The following EYA2 variants were observed in gnomAD, a reference collection of about 807,000 sequenced individuals.
EYA2 encodes the protein protein phosphatase EYA2.
Under a neutral mutation model 69.2 loss-of-function variants are expected in EYA2, and 31 were observed. The observed-to-expected ratio is 0.45, with a 90% CI of 0.34 to 0.60. The LOEUF is 0.60. Ranked by LOEUF, EYA2 falls within the 20% of genes least tolerant of loss-of-function variation. The pLI is 0.02. For missense variants in EYA2, 622 were observed against 701.2 expected, an observed-to-expected ratio of 0.89 and a Z score of 1.28; for synonymous variants, 257 against 279.4, an observed-to-expected ratio of 0.92 and a Z score of 0.80.
At chr20:47,053,494 C>T (rs952840980) in intron 5 of EYA2, among the ~76,000 whole-genome samples, 3 of 151,766 alleles carry the variant, frequency 2.0e-5, no homozygotes, top group Admixed American at 1.3e-4. Flanking sequence ...GACAAAACTC[C>T]GTCTCTACTA....
intron 15 of EYA2, among the ~76,000 whole-genome samples, chr20:47,184,082 G>A (rs2034589427): frequency 1.3e-5 from 2 of 152,222 alleles, no homozygotes; most frequent in African/African-American, 4.8e-5. Context: ...AGGGTCCTGG[G>A]AGAGGGCCCC....
intron 5 of EYA2, among the ~76,000 whole-genome samples, chr20:47,020,456 T>G (rs1983684250): frequency 6.6e-6 from 1 of 152,220 alleles, no homozygotes; most frequent in Admixed American, 6.5e-5. Flanking sequence ...TTTGCAGAGT[T>G]GTTTATTTTC....
At chr20:47,078,234 T>G (rs1352601510) in intron 7 of EYA2, among the ~76,000 whole-genome samples, 2 of 152,186 alleles carry the variant, frequency 1.3e-5, no homozygotes, top group Non-Finnish European at 2.9e-5. Flanking sequence ...TAAATAATGG[T>G]CAGCTGTAGC....
intron 1 of EYA2, among the ~76,000 whole-genome samples, chr20:46,988,573 C>T (rs1002669861): frequency 1.3e-5 from 2 of 152,194 alleles, no homozygotes; most frequent in Non-Finnish European, 2.9e-5. Context: ...ATAAATTTAG[C>T]CTTTCTCTGA....
chr20:46,923,142 C>T (rs1161664626), intron 1 of EYA2, among the ~76,000 whole-genome samples: 5 of 152,178 alleles, frequency 3.3e-5, no homozygotes, highest in Admixed American at 1.3e-4. Context: ...CTGAGGCGGG[C>T]GGATCACTTG....
At chr20:46,944,846 A>G (rs1368552870) in intron 1 of EYA2, among the ~76,000 whole-genome samples, 1 of 152,156 alleles carries the variant, frequency 6.6e-6, no homozygotes, top group Non-Finnish European at 1.5e-5. Context: ...GCTCATTCCT[A>G]CAATCCCAGC....
At chr20:47,074,496 C>T (rs73309620) in intron 7 of EYA2, among the ~76,000 whole-genome samples, 161 bp downstream of exon 7, 8 of 152,314 alleles carry the variant, frequency 5.3e-5, no homozygotes, top group African/African-American at 1.9e-4. Context: ...GGATATGGGT[C>T]CCAGTTGTCA....
intron 9 of EYA2, among the ~76,000 whole-genome samples, chr20:47,123,159 C>G (rs144368693): frequency 1.6e-4 from 24 of 152,018 alleles, no homozygotes; most frequent in African/African-American, 5.8e-4. Flanking sequence ...AAGCAAATGA[C>G]ACTTTTTTTT....
chr20:47,017,722 G>A (rs568831286), intron 5 of EYA2, among the ~76,000 whole-genome samples: 10 of 152,310 alleles, frequency 6.6e-5, no homozygotes, highest in African/African-American at 2.4e-4. Flanking sequence ...GTGATGCTCT[G>A]TGGGTTCTCT....
intron 1 of EYA2, among the ~76,000 whole-genome samples, chr20:46,963,733 G>C (rs1979620904): frequency 6.6e-6 from 1 of 152,248 alleles, no homozygotes; most frequent in Admixed American, 6.5e-5. Context: ...AGGTGGGCCG[G>C]GGGTGGTGGT....
chr20:47,133,406 C>T (rs907951763), intron 9 of EYA2, among the ~76,000 whole-genome samples: 2 of 152,148 alleles, frequency 1.3e-5, no homozygotes, highest in South Asian at 4.1e-4. Flanking sequence ...GTTATTTTTA[C>T]TAAAAATTAT....
chr20:47,182,782 C>T (rs1252192847), intron 14 of EYA2, among the ~76,000 whole-genome samples: 1 of 151,668 alleles, frequency 6.6e-6, no homozygotes, highest in Non-Finnish European at 1.5e-5. Context: ...CTAAAAAATA[C>T]AAAAATTAGC....
chr20:47,149,044 T>TC (rs1408869157), intron 10 of EYA2, among the ~76,000 whole-genome samples: 1 of 151,486 alleles, frequency 6.6e-6, no homozygotes, highest in Admixed American at 6.6e-5. Flanking sequence ...GCTACTGCAC[T>TC]CCAGCCTGGG....
chr20:47,119,843 G>C (rs11698115), intron 9 of EYA2, among the ~76,000 whole-genome samples: 1 of 152,202 alleles, frequency 6.6e-6, no homozygotes, highest in Admixed American at 6.5e-5. Context: ...GAGGTGAGAG[G>C]ATAGCTTGAG....
At chr20:46,910,320 C>T (rs1193836632) in intron 1 of EYA2, among the ~76,000 whole-genome samples, 2 of 152,116 alleles carry the variant, frequency 1.3e-5, no homozygotes, top group African/African-American at 4.8e-5. Flanking sequence ...CTGTTGTAAA[C>T]AACCAGGTCT....
intron 4 of EYA2, among the ~76,000 whole-genome samples, chr20:47,007,760 C>T (rs1028476346): frequency 2.6e-5 from 4 of 152,050 alleles, no homozygotes; most frequent in African/African-American, 9.7e-5. Flanking sequence ...GGACTACAGG[C>T]ACGCACTACC....
intron 1 of EYA2, among the ~76,000 whole-genome samples, chr20:46,946,997 A>C (rs1418315321): frequency 6.6e-6 from 1 of 152,154 alleles, no homozygotes; most frequent in East Asian, 1.9e-4. Flanking sequence ...AGCCACACCC[A>C]TTCATTCTGT....
Position 47,180,810 on chromosome 20 carries a change from C to A in EYA2, c.1314-5C>A. 6.2e-7 allele frequency: 1 copy of A among 1,613,844 alleles called. No individual in the cohort carries two copies. The highest frequency in any genetic ancestry group is 8.5e-7 in the Non-Finnish European group (1 of 1,179,834). On this transcript the variant is annotated splice_polypyrimidine_tract_variant and splice_region_variant and intron_variant, in intron 13 of 15. Coordinates refer to ENST00000327619, the MANE Select transcript of EYA2 (RefSeq NM_005244.5). ...GTTCTGATCCACAGTCTCCTTTGTCCTTAGGCCCAACTGTGTCAATGTGCT... is the reference window on the plus strand; with the variant it reads ...GTTCTGATCCACAGTCTCCTTTGTCATTAGGCCCAACTGTGTCAATGTGCT...
intron 8 of EYA2, among the ~76,000 whole-genome samples, chr20:47,094,975 G>A (rs988116192): frequency 1.3e-5 from 2 of 152,130 alleles, no homozygotes; most frequent in Non-Finnish European, 2.9e-5. Flanking sequence ...CTAGGCTGCA[G>A]TGAGTGATGA....
Sources: gnomAD v4.1 joint callset for allele counts (sites outside exome capture counted in the v4.1 genomes callset) on GRCh38, gnomAD v4.1.1 for gene constraint, MANE v1.5 for transcripts, NCBI Gene and HGNC (gene_info 2026-07-23, HGNC 2026-07-21) for gene names.